Variants in SLCO4C1 observed in about 807,000 individuals in gnomAD.
SLCO4C1 encodes organic anion transporter M1.
Under a neutral mutation model 72.1 loss-of-function variants are expected in SLCO4C1, and 58 were observed. That is an observed-to-expected ratio of 0.80 (90% CI 0.65 to 1.00). The LOEUF (loss-of-function observed/expected upper bound fraction) is 1.00, where lower values mean the gene tolerates loss of function less well. Ranked by LOEUF, SLCO4C1 falls within the 50% of genes least tolerant of loss-of-function variation. The pLI is 0.00. For synonymous variants in SLCO4C1, 297 were observed against 312.5 expected (o/e 0.95, Z 0.52); for missense variants, 898 against 857.9 (o/e 1.05, Z -0.58).
chr5:102,280,016 G>C (rs1225320222), intron 2 of SLCO4C1, among the ~76,000 whole-genome samples: 2 of 143,174 alleles, frequency 1.4e-5, no homozygotes, highest in Non-Finnish European at 3.0e-5. Context: ...CTAATATAGG[G>C]AAGAAGGTAA....
chr5:102,296,119 C>T lies in SLCO4C1; in HGVS notation c.144G>A (p.Glu48=). The T allele has an allele frequency of 6.2e-7, 1 of 1,614,122 alleles. No individual in the cohort carries two copies. Among genetic ancestry groups the T allele is most frequent in the Non-Finnish European group, 8.5e-7 (1 of 1,179,976 alleles). ...DPQRENSQPQ[E]LQKPQEPQKS... is the part of the protein sequence containing the mutation. ...TCTGGGGCTCCTGGGGCTTCTGAAG[C>T]TCCTGTGGCTGAGAATTCTCTCTTT... The change falls in exon 1 of 13, where the codon GAG becomes GAA. Residue 48 remains glutamate, a synonymous_variant. Transcript: ENST00000310954.
chr5:102,281,193 T>A (rs1749350010), intron 2 of SLCO4C1, among the ~76,000 whole-genome samples: 1 of 152,114 alleles, frequency 6.6e-6, no homozygotes, highest in African/African-American at 2.4e-5. Context: ...ACAAAAGTAA[T>A]TCAATGGTTG....
intron 2 of SLCO4C1, among the ~76,000 whole-genome samples, chr5:102,287,748 G>A (rs1400731482): frequency 1.3e-5 from 2 of 151,726 alleles, no homozygotes; most frequent in African/African-American, 4.8e-5. Context: ...TAGAGACGGG[G>A]TTTCACTGTG....
rs1277282642 is a variant in SLCO4C1, at chr5:102,236,580, GCGTGTGTGTGTGTGTGTGTGTGTT to G, written c.*254_*277del. ...GAATAGGAAATAAGTGTGTATGTGT[GCGTGTGTGTGTGTGTGTGTGTGTT>G]CGTGTGTGTGTGTGTGTGTGTGCTC... is the stretch of plus-strand genomic sequence containing the variant. On this transcript the variant is annotated 3_prime_UTR_variant, in exon 13 of 13. Coordinates refer to ENST00000310954, the MANE Select transcript of SLCO4C1 (RefSeq NM_180991.5). 3.5e-5 allele frequency: 9 copies of G among 257,902 alleles called. No individual in the cohort carries two copies. Among genetic ancestry groups the G allele is most frequent in the Admixed American group, 1.5e-4 (2 of 13,774 alleles). 16.0% of individuals were successfully genotyped at this position (257,902 alleles called of 1,614,324 possible). A position where few individuals can be genotyped will look rare whatever the true frequency, so the allele number is the denominator to read the frequency against.
In SLCO4C1 at chr5:102,257,927, A is replaced by G; in HGVS notation, c.1273+16T>C. On this transcript the variant is annotated intron_variant, in intron 7 of 12. Transcript: ENST00000310954. ...TAAAGTAAAATTTTTAGGTTAAGAT[A>G]AAGAAAATGTTTTACCTCCAAGAGT... is the stretch of plus-strand genomic sequence containing the variant. The G allele has an allele frequency of 6.3e-7, 1 of 1,593,336 alleles. No homozygotes were observed. The highest frequency in any genetic ancestry group is 2.3e-5 in the East Asian group (1 of 44,336).
intron 5 of SLCO4C1, among the ~76,000 whole-genome samples, chr5:102,261,132 G>A (rs993703205): frequency 3.9e-5 from 6 of 152,108 alleles, no homozygotes; most frequent in African/African-American, 7.2e-5. Context: ...TAGTATTCAA[G>A]CCGGATGTGG....
Position 102,265,969 on chromosome 5 carries a change from TTC to T in SLCO4C1, c.803-2191_803-2190del, listed in dbSNP as rs559484941. 3.4e-3 allele frequency among the ~76,000 whole-genome samples: 511 copies of T among 152,270 alleles called. 2 individuals carry two copies. Among genetic ancestry groups the T allele is most frequent in the African/African-American group, 0.012 (491 of 41,578 alleles). On this transcript the variant is annotated intron_variant, in intron 3 of 12. Transcript: ENST00000310954. ...AGCATGGGATGCCTTTCCATTTTTTTTCTGTTTTCAGTTTCTGTCATCAGTGT... is the reference window on the plus strand; with the variant it reads ...AGCATGGGATGCCTTTCCATTTTTTTTGTTTTCAGTTTCTGTCATCAGTGT...
rs768539783 is a variant in SLCO4C1, at chr5:102,247,251, C to T, written c.1811+1G>A. ...TGAAAATTTCTCAACGTGCTACATA[C>T]CTTAGGATAGACACAGTTATAGGAG... On this transcript the variant is annotated splice_donor_variant, in intron 10 of 12. Transcript: ENST00000310954. LOFTEE classifies it high-confidence loss of function. 2 of 1,523,036 alleles carry T rather than the reference C, an allele frequency of 1.3e-6. No individual in the cohort carries two copies. The highest frequency in any genetic ancestry group is 1.8e-6 in the Non-Finnish European group (2 of 1,125,656). The allele number at this position is 1,523,036 out of a possible 1,614,324, so 94.3% of individuals were successfully genotyped here.
chr5:102,291,249 C>T (rs1024150982), intron 2 of SLCO4C1, 94 bp downstream of exon 2: 2 of 1,331,636 alleles, frequency 1.5e-6, no homozygotes, highest in African/African-American at 3.0e-5. Context: ...TAAACCCTTA[C>T]CATACTGTGT....
At chr5:102,258,784 C>T (rs2112357571) in intron 6 of SLCO4C1, among the ~76,000 whole-genome samples, 1 of 151,666 alleles carries the variant, frequency 6.6e-6, no homozygotes, top group East Asian at 1.9e-4. Context: ...CACGGAGTCA[C>T]AAAGGAGCAA....
intron 3 of SLCO4C1, among the ~76,000 whole-genome samples, chr5:102,270,092 A>C (rs1440533516): frequency 1.3e-5 from 2 of 152,164 alleles, no homozygotes; most frequent in Non-Finnish European, 1.5e-5. Context: ...CTCATATGCA[A>C]ATAAAGTATT....
At chr5:102,256,785 A>T (rs1748843355) in intron 8 of SLCO4C1, among the ~76,000 whole-genome samples, 1 of 152,222 alleles carries the variant, frequency 6.6e-6, no homozygotes, top group Non-Finnish European at 1.5e-5. Context: ...TAAAAACTTA[A>T]ATCAATAAAA....
At chr5:102,272,880 C>T (rs751083282) in intron 2 of SLCO4C1, among the ~76,000 whole-genome samples, 12 of 151,568 alleles carry the variant, frequency 7.9e-5, no homozygotes, top group South Asian at 2.1e-4. Context: ...TGCTGGAACC[C>T]GGGAGGAGGA....
chr5:102,291,892 G>T (rs551560563), intron 1 of SLCO4C1, among the ~76,000 whole-genome samples: 4 of 151,974 alleles, frequency 2.6e-5, no homozygotes, highest in African/African-American at 7.2e-5. Context: ...CGCGATCTCG[G>T]CTCACCGCCA....
chr5:102,292,846 T>A (rs893971141), intron 1 of SLCO4C1, among the ~76,000 whole-genome samples: 9 of 151,992 alleles, frequency 5.9e-5, no homozygotes, highest in African/African-American at 2.2e-4. Context: ...GTATGATAAA[T>A]TGTTTTCATT....
chr5:102,254,744 GAAATAA>G (rs1430363219), intron 8 of SLCO4C1, among the ~76,000 whole-genome samples: 2 of 152,116 alleles, frequency 1.3e-5, no homozygotes, highest in Non-Finnish European at 2.9e-5. Context: ...TGCTTTTCTA[GAAATAA>G]GGTTATTGTA....
chr5:102,249,208 T>G (rs1379673469), intron 9 of SLCO4C1, among the ~76,000 whole-genome samples: 1 of 151,780 alleles, frequency 6.6e-6, no homozygotes, highest in Non-Finnish European at 1.5e-5. Flanking sequence ...CAGCTAAACA[T>G]GGATCAAAAA....
intron 3 of SLCO4C1, among the ~76,000 whole-genome samples, chr5:102,267,646 T>C (rs1311952858): frequency 1.6e-5 from 1 of 63,890 alleles, no homozygotes; most frequent in African/African-American, 6.4e-5. Flanking sequence ...ATTATTTCTT[T>C]CCTTCTAATT....
chr5:102,265,880 A>G (rs895162722), intron 3 of SLCO4C1, among the ~76,000 whole-genome samples: 6 of 152,102 alleles, frequency 3.9e-5, no homozygotes, highest in Admixed American at 2.6e-4. Context: ...ATTGCATTGA[A>G]TCTGTACATT....
Sources: gnomAD v4.1 joint callset for allele counts (sites outside exome capture counted in the v4.1 genomes callset) on GRCh38, gnomAD v4.1.1 for gene constraint, MANE v1.5 for transcripts, NCBI Gene and HGNC (gene_info 2026-07-23, HGNC 2026-07-21) for gene names.